USH2A: variants seen among roughly 807,000 people sequenced by gnomAD.
USH2A encodes Usher syndrome 2A (autosomal recessive, mild).
Under a neutral mutation model 538.9 loss-of-function variants are expected in USH2A, and 443 were observed. The observed-to-expected ratio is 0.82, with a 90% confidence interval of 0.76 to 0.89. The LOEUF is 0.89. Among genes scored for constraint, USH2A ranks in the 40% least tolerant of loss-of-function variants. The pLI is 0.00. For synonymous variants in USH2A, 2,413 were observed against 2,273.5 expected (o/e 1.06, Z -1.75); for missense variants, 6,633 against 6,324.8 (o/e 1.05, Z -1.65).
At chr1:215,708,491 CT>C (rs1169109275) in intron 61 of USH2A, among the ~76,000 whole-genome samples, 1 of 152,186 alleles carries the variant, frequency 6.6e-6, no homozygotes, top group East Asian at 1.9e-4. Flanking sequence ...GATCCCCAAC[CT>C]TTTGGGCACC....
At chr1:215,677,040 A>G (rs1027455974) in intron 62 of USH2A, among the ~76,000 whole-genome samples, 4 of 151,992 alleles carry the variant, frequency 2.6e-5, no homozygotes, top group African/African-American at 9.7e-5. Context: ...TCCCCTAACC[A>G]CTAACACCCT....
chr1:216,395,691 T>A (rs190743089), intron 3 of USH2A, among the ~76,000 whole-genome samples: 87 of 152,308 alleles, frequency 5.7e-4, no homozygotes, highest in African/African-American at 1.8e-3. Flanking sequence ...CACTTGGCAA[T>A]GTCTGCAGAC....
At chr1:216,063,954 C>A (rs2031265104) in intron 30 of USH2A, among the ~76,000 whole-genome samples, 1 of 152,062 alleles carries the variant, frequency 6.6e-6, no homozygotes, top group African/African-American at 2.4e-5. Flanking sequence ...AAAGATTAAT[C>A]AAAACGAAAT....
At chr1:215,946,199 C>T (rs1666753522) in intron 37 of USH2A, among the ~76,000 whole-genome samples, 1 of 152,118 alleles carries the variant, frequency 6.6e-6, no homozygotes, top group Admixed American at 6.5e-5. Flanking sequence ...TACAGAATCA[C>T]TCAGTAGATG....
chr1:216,175,026 C>T, intron 21 of USH2A: 1 of 1,374,878 alleles, frequency 7.3e-7, no homozygotes, highest in Non-Finnish European at 9.4e-7. Context: ...AAGGCTGCTT[C>T]TTCATCTTCA....
Position 215,639,202 on chromosome 1 carries a change from C to T in USH2A, c.15005G>A (p.Gly5002Glu), listed in dbSNP as rs781720233. The T allele has an allele frequency of 6.2e-7, 1 of 1,614,124 alleles. No individual in the cohort carries two copies. The highest frequency in any genetic ancestry group is 1.7e-5 in the Admixed American group (1 of 60,016). Residue 5002 changes from glycine (G) to glutamate (E), a missense_variant, in exon 69 of 72, where the codon GGA becomes GAA. Gly to Glu is a moderately conservative substitution (Grantham distance 98, BLOSUM62 -2). Coordinates refer to ENST00000307340, the MANE Select transcript of USH2A (RefSeq NM_206933.4). ...TTGGATCAACGGCGTCTTAACACTT[C>T]CTTCGTCAGTCGTGCAGATGACCTG... is the stretch of plus-strand genomic sequence containing the variant. ...FFQVICTTDE[G>E]SVKTPLIQYD...
intron 21 of USH2A, among the ~76,000 whole-genome samples, chr1:216,102,335 AT>A (rs1319322380): frequency 6.6e-6 from 1 of 150,588 alleles, no homozygotes; most frequent in Non-Finnish European, 1.5e-5. Flanking sequence ...ATATGTGTGT[AT>A]GTACACATAC....
intron 3 of USH2A, among the ~76,000 whole-genome samples, chr1:216,368,353 T>C (rs2038639203): frequency 6.6e-6 from 1 of 152,156 alleles, no homozygotes; most frequent in Non-Finnish European, 1.5e-5. Flanking sequence ...ACCTAGATTA[T>C]AGTAATTTTC....
At chr1:216,113,759 C>A (rs1406773675) in intron 21 of USH2A, among the ~76,000 whole-genome samples, 1 of 151,722 alleles carries the variant, frequency 6.6e-6, no homozygotes, top group Non-Finnish European at 1.5e-5. Context: ...GTTTTAAAAT[C>A]TAAATGTTTT....
intron 21 of USH2A, among the ~76,000 whole-genome samples, chr1:216,152,453 C>T (rs1306544350): frequency 6.7e-6 from 1 of 148,664 alleles, no homozygotes; most frequent in African/African-American, 2.5e-5. Flanking sequence ...GAGCACCTTG[C>T]GACCCCCACT....
At chr1:215,846,909 C>T (rs1303205990) in intron 44 of USH2A, among the ~76,000 whole-genome samples, 1 of 152,174 alleles carries the variant, frequency 6.6e-6, no homozygotes, top group East Asian at 1.9e-4. Context: ...AGCAGGGCTA[C>T]ATAGCATGCT....
chr1:216,393,939 T>C (rs575174329), intron 3 of USH2A, among the ~76,000 whole-genome samples: 1 of 152,134 alleles, frequency 6.6e-6, no homozygotes, highest in African/African-American at 2.4e-5. Flanking sequence ...TAAAGAGCCA[T>C]AGAAATTTCA....
intron 12 of USH2A, among the ~76,000 whole-genome samples, chr1:216,249,591 TA>T (rs1305668893): frequency 2.0e-5 from 3 of 152,140 alleles, no homozygotes; most frequent in Non-Finnish European, 4.4e-5. Context: ...TCTTTCTTTC[TA>T]AAAAATTAGT....
intron 35 of USH2A, among the ~76,000 whole-genome samples, chr1:215,985,261 C>A (rs1418445120): frequency 1.3e-5 from 2 of 152,054 alleles, no homozygotes; most frequent in African/African-American, 4.8e-5. Context: ...CAGAGAAAAA[C>A]CAGAACACAG....
At chr1:215,900,619 C>T in intron 39 of USH2A, 136 bp downstream of exon 39, 1 of 1,159,488 alleles carries the variant, frequency 8.6e-7, no homozygotes, top group South Asian at 1.3e-5. Flanking sequence ...TGATTATCCT[C>T]TAATTGTTTG....
At chr1:216,329,141 C>T (rs1026180978) in intron 4 of USH2A, among the ~76,000 whole-genome samples, 1 of 152,176 alleles carries the variant, frequency 6.6e-6, no homozygotes, top group Non-Finnish European at 1.5e-5. Flanking sequence ...AGAATTATTC[C>T]TCCAAGTGGT....
At chr1:215,641,348 T>C (rs2797224) in intron 67 of USH2A, among the ~76,000 whole-genome samples, 61,559 of 152,084 alleles carry the variant, frequency 0.4, 15,614 homozygotes, top group Non-Finnish European at 0.55. Context: ...AGTATAATAA[T>C]TCATGGCCCT....
chr1:216,304,710 G>C (rs1004364631), intron 9 of USH2A, among the ~76,000 whole-genome samples: 2 of 151,888 alleles, frequency 1.3e-5, no homozygotes, highest in Admixed American at 1.3e-4. Context: ...GATAGGTTGT[G>C]TCACTATATC....
chr1:216,049,603 C>G (rs530526697), intron 30 of USH2A, among the ~76,000 whole-genome samples: 9 of 152,092 alleles, frequency 5.9e-5, no homozygotes, highest in Admixed American at 1.3e-4. Flanking sequence ...ATTGATGAAA[C>G]CTTCAATCGC....
Sources: gnomAD v4.1 joint callset for allele counts (sites outside exome capture counted in the v4.1 genomes callset) on GRCh38, gnomAD v4.1.1 for gene constraint, MANE v1.5 for transcripts, NCBI Gene and HGNC (gene_info 2026-07-23, HGNC 2026-07-21) for gene names.